The following NTRK2 variants were observed in gnomAD, a reference collection of about 807,000 sequenced individuals.
The protein encoded by NTRK2 is BDNF/NT-3 growth factors receptor.
A neutral mutation model predicts 94.5 loss-of-function variants in NTRK2; 13 were observed. The observed-to-expected ratio is 0.14, with a 90% CI of 0.09 to 0.22. The LOEUF (loss-of-function observed/expected upper bound fraction) is 0.22. NTRK2 is among the 10% of genes least tolerant of loss of function. The pLI is 1.00. For synonymous variants in NTRK2, 372 were observed against 407.4 expected (o/e 0.91, Z 1.05); for missense variants, 639 against 1,071.2 (o/e 0.60, Z 5.63).
At chr9:84,853,909 G>A (rs1052990349) in intron 12 of NTRK2, among the ~76,000 whole-genome samples, 2 of 151,866 alleles carry the variant, frequency 1.3e-5, no homozygotes, top group African/African-American at 2.4e-5. Context: ...GTAAAACCTC[G>A]TCTCTACTAA....
chr9:84,957,717 T>C (rs1824327038), intron 17 of NTRK2, among the ~76,000 whole-genome samples: 1 of 152,230 alleles, frequency 6.6e-6, no homozygotes, highest in African/African-American at 2.4e-5. Flanking sequence ...AGTTACCATG[T>C]AATTCAGTAA....
At chr9:84,893,962 T>C (rs752862183) in intron 14 of NTRK2, among the ~76,000 whole-genome samples, 7 of 152,152 alleles carry the variant, frequency 4.6e-5, no homozygotes, top group Non-Finnish European at 1.0e-4. Context: ...ACAGATGGAA[T>C]GTGCCCCACG....
rs1417987920 is a variant in NTRK2, at chr9:85,022,166, T to G, written c.*729T>G. 3 of 233,232 alleles carry G rather than the reference T, an allele frequency of 1.3e-5. No homozygotes were observed. In the South Asian group the frequency reaches 5.4e-4, roughly 42 times the overall value. 14.4% of individuals were successfully genotyped at this position (233,232 alleles called of 1,614,324 possible). On this transcript the variant is annotated 3_prime_UTR_variant, in exon 19 of 19. Coordinates refer to ENST00000277120, the MANE Select transcript of NTRK2 (RefSeq NM_006180.6). ...GGATCAGCTGGTGTCAGTCCCTACT[T>G]AGGAAATACTCAGCAACTGTTAGCT...
chr9:84,935,630 G>A (rs1335029945), intron 15 of NTRK2, among the ~76,000 whole-genome samples: 9 of 152,108 alleles, frequency 5.9e-5, no homozygotes, highest in Non-Finnish European at 1.3e-4. Flanking sequence ...GAGAGAGAGA[G>A]AGGAGAGAGG....
At chr9:84,980,340 G>A (rs1827430955) in intron 17 of NTRK2, among the ~76,000 whole-genome samples, 1 of 152,124 alleles carries the variant, frequency 6.6e-6, no homozygotes, top group South Asian at 2.1e-4. Context: ...TTGTATGTGG[G>A]ACTGTTTTCT....
At chr9:85,003,470 G>A (rs4394478) in intron 17 of NTRK2, among the ~76,000 whole-genome samples, 111,033 of 151,958 alleles carry the variant, frequency 0.73, 41,220 homozygotes, top group African/African-American at 0.82. Context: ...AAGAAGGAAG[G>A]GAAAGAGAGC....
chr9:84,789,245 A>T (rs1438652686), intron 12 of NTRK2, among the ~76,000 whole-genome samples: 1 of 152,162 alleles, frequency 6.6e-6, no homozygotes, highest in East Asian at 1.9e-4. Context: ...TGGCTGGAAG[A>T]GATGATAACA....
At chr9:84,785,513 G>A (rs1369740357) in intron 12 of NTRK2, among the ~76,000 whole-genome samples, 1 of 152,222 alleles carries the variant, frequency 6.6e-6, no homozygotes, top group Non-Finnish European at 1.5e-5. Context: ...CGTGGATCAA[G>A]AGCTCGTATA....
rs186532937 is a variant in NTRK2, at chr9:85,016,699, A to C, written c.2173-3507A>C. ...GGGTCTACTTTTGTGACATGCTTCA[A>C]AATTCTGAGAAAGGGTTGCAAAAGA... On this transcript the variant is annotated intron_variant, in intron 17 of 18. Transcript: ENST00000277120. Among the ~76,000 whole-genome samples the C allele has an allele frequency of 5.3e-3, 805 of 152,272 alleles. 30 individuals are homozygous for C. The highest frequency in any genetic ancestry group is 0.051 in the Admixed American group (774 of 15,282).
chr9:84,697,202 G>T (rs930572034), intron 2 of NTRK2, among the ~76,000 whole-genome samples: 3 of 152,212 alleles, frequency 2.0e-5, no homozygotes, highest in African/African-American at 7.2e-5. Flanking sequence ...ACGTCTGCAG[G>T]CTGGGGGGTG....
At chr9:84,790,995 C>T (rs1348255508) in intron 12 of NTRK2, among the ~76,000 whole-genome samples, 2 of 152,240 alleles carry the variant, frequency 1.3e-5, no homozygotes, top group Non-Finnish European at 2.9e-5. Flanking sequence ...TAGTAGTTCA[C>T]ATCATATTCT....
intron 17 of NTRK2, among the ~76,000 whole-genome samples, chr9:84,991,312 C>T (rs955334788): frequency 6.6e-6 from 1 of 152,166 alleles, no homozygotes; most frequent in Admixed American, 6.5e-5. Context: ...AAGGACATAG[C>T]GGACACGTTG....
intron 17 of NTRK2, among the ~76,000 whole-genome samples, chr9:85,013,926 G>C (rs1831924622): frequency 6.6e-6 from 1 of 152,156 alleles, no homozygotes; most frequent in South Asian, 2.1e-4. Flanking sequence ...TCTTTGCTAG[G>C]TGAGTTTAGA....
chr9:84,815,503 T>A (rs1159026749), intron 12 of NTRK2: 2 of 1,030,642 alleles, frequency 1.9e-6, no homozygotes, highest in African/African-American at 1.7e-5. Context: ...AGCCTGTGAA[T>A]CATTCTCATG....
In NTRK2 at chr9:84,730,783, CAAAAAAA is replaced by C; in HGVS notation, c.1159+2843_1159+2849del. Among the ~76,000 whole-genome samples the C allele has an allele frequency of 3.7e-4, 9 of 24,142 alleles. 1 individual carries two copies. Among genetic ancestry groups the C allele is most frequent in the East Asian group, 1.7e-3 (1 of 580 alleles). 15.8% of individuals were successfully genotyped at this position (24,142 alleles called of 152,430 possible). ...AAACTAAAGAAAAATAAACAAATAG[CAAAAAAA>C]AAAAAAAAAAAAAAAAAATCCCTGC... On this transcript the variant is annotated intron_variant, in intron 9 of 18. Transcript: ENST00000277120.
intron 17 of NTRK2, among the ~76,000 whole-genome samples, chr9:84,982,732 G>A (rs1414816626): frequency 1.3e-5 from 2 of 152,146 alleles, no homozygotes; most frequent in Non-Finnish European, 2.9e-5. Flanking sequence ...CCAGTATGTG[G>A]GATGACAACT....
intron 17 of NTRK2, among the ~76,000 whole-genome samples, chr9:85,016,531 G>C (rs1038106742): frequency 6.6e-6 from 1 of 152,196 alleles, no homozygotes; most frequent in Non-Finnish European, 1.5e-5. Context: ...ATGAGGGCAA[G>C]TTGCCAAGTA....
At chr9:84,864,366 G>T (rs147525593) in intron 13 of NTRK2, among the ~76,000 whole-genome samples, 4 of 152,082 alleles carry the variant, frequency 2.6e-5, no homozygotes, top group African/African-American at 9.7e-5. Context: ...AGGGTGGGAG[G>T]GGGGTGAGGG....
At position 84,744,954 on chromosome 9, in the gene NTRK2, C is replaced by T. The variant is rs201878994; in HGVS notation, c.1196-19C>T. The T allele has an allele frequency of 1.9e-6, 3 of 1,563,624 alleles. No homozygotes were observed. Among genetic ancestry groups the T allele is most frequent in the African/African-American group, 2.7e-5 (2 of 73,812 alleles). ...TGACAACTTCATGTTCTTCCTCATT[C>T]CCCCTTTGCCCACTTAAGATTATGG... On this transcript the variant is annotated intron_variant, in intron 10 of 18. Transcript: ENST00000277120.
Sources: allele counts gnomAD v4.1 joint callset (sites outside exome capture counted in the v4.1 genomes callset), GRCh38; gene constraint gnomAD v4.1.1; transcripts MANE v1.5; gene names NCBI Gene and HGNC (gene_info 2026-07-23, HGNC 2026-07-21).